The following PKP4 variants were observed in gnomAD, a reference collection of about 807,000 sequenced individuals.
PKP4 encodes the protein plakophilin-4.
Under a neutral mutation model 145.1 loss-of-function variants are expected in PKP4, and 90 were observed. That is an observed-to-expected ratio of 0.62 (90% CI 0.52 to 0.74). The LOEUF (loss-of-function observed/expected upper bound fraction) is 0.74, where lower values mean the gene tolerates loss of function less well. Among genes scored for constraint, PKP4 ranks in the 30% least tolerant of loss-of-function variants. PKP4 has a pLI of 0.00. For missense variants in PKP4, 1,340 were observed against 1,482.7 expected (o/e 0.90, Z 1.58); for synonymous variants, 563 against 577.2 (o/e 0.98, Z 0.35).
chr2:158,463,501 A>G (rs922428104), intron 1 of PKP4, among the ~76,000 whole-genome samples: 2 of 152,080 alleles, frequency 1.3e-5, no homozygotes, highest in Non-Finnish European at 2.9e-5. Context: ...TGGAATATAC[A>G]TGATATAAAT....
At chr2:158,533,146 A>G in intron 1 of PKP4, 34 bp from the exon 2 acceptor site, 1 of 1,570,726 alleles carries the variant, frequency 6.4e-7, no homozygotes, top group South Asian at 1.2e-5. Context: ...GGAGCCCAGA[A>G]GAAAGTGTTA....
chr2:158,542,245 T>C (rs1306015882), intron 2 of PKP4, among the ~76,000 whole-genome samples: 2 of 152,162 alleles, frequency 1.3e-5, no homozygotes, highest in East Asian at 3.9e-4. Context: ...ATAAGTAATA[T>C]TATTTTTCTA....
rs371838555 is a variant in PKP4, at chr2:158,625,251, C to A, written c.977C>A (p.Ala326Asp). The A allele has an allele frequency of 5.6e-6, 9 of 1,614,080 alleles. No individual in the cohort carries two copies. The African/African-American group carries it at 1.1e-4, about 19-fold the overall frequency. ...LTLTDAQTRV[A>D]SPSQGQVGSS... The stretch of plus-strand genomic sequence containing the variant: ...CTGACGGATGCACAGACTCGAGTAG[C>A]TTCCCCATCCCAAGGCCAGGTGGGG... Residue 326 changes from alanine to aspartate, a missense_variant, in exon 7 of 22, where the codon GCT becomes GAT. Coordinates refer to ENST00000389759, the MANE Select transcript of PKP4 (RefSeq NM_003628.6).
chr2:158,589,716 ACTT>A lies in PKP4; in HGVS notation c.245+12334_245+12336del, dbSNP rs753356467. ...TTTTTTGTAATTCCTTCATCTAATC[ACTT>A]TAATATTCATGATGAAATAAAGGAA... On this transcript the variant is annotated intron_variant, in intron 3 of 21. Coordinates refer to ENST00000389759, the MANE Select transcript of PKP4 (RefSeq NM_003628.6). 1.3e-4 allele frequency among the ~76,000 whole-genome samples: 20 copies of A among 152,192 alleles called. 2 individuals are homozygous for A. The highest frequency in any genetic ancestry group is 1.2e-3 in the South Asian group (6 of 4,826).
chr2:158,679,253 A>T (rs1276592317), intron 21 of PKP4: 1 of 154,334 alleles, frequency 6.5e-6, no homozygotes, highest in African/African-American at 2.4e-5. Flanking sequence ...TACCAGTGCC[A>T]TGGCGAACTT....
intron 1 of PKP4, among the ~76,000 whole-genome samples, chr2:158,486,746 C>T (rs1433539411): frequency 6.6e-6 from 1 of 152,236 alleles, no homozygotes; most frequent in Non-Finnish European, 1.5e-5. Flanking sequence ...GTAATGCCAG[C>T]AGCAGGCCAT....
chr2:158,560,636 G>A (rs1394833823), intron 2 of PKP4, among the ~76,000 whole-genome samples: 1 of 151,696 alleles, frequency 6.6e-6, no homozygotes, highest in South Asian at 2.1e-4. Flanking sequence ...CAAATTTTTG[G>A]CAAGTGAACC....
chr2:158,663,402 G>A lies in PKP4; in HGVS notation c.2534G>A (p.Gly845Asp). 6.2e-7 allele frequency: 1 copy of A among 1,614,116 alleles called. No individual in the cohort carries two copies. The highest frequency in any genetic ancestry group is 8.5e-7 in the Non-Finnish European group (1 of 1,179,998). The change falls in exon 15 of 22, where the codon GGC becomes GAC. Residue 845 changes from glycine (G) to aspartate (D), a missense_variant. Coordinates refer to ENST00000389759, the MANE Select transcript of PKP4 (RefSeq NM_003628.6). Reference protein sequence around the residue: ...AESSNPATLEGSAGSLQNLSA... With the variant: ...AESSNPATLEDSAGSLQNLSA... ...AGTTCCAACCCAGCCACCTTGGAAG[G>A]CTCTGCAGGGTCTCTCCAGAACCTC...
intron 2 of PKP4, among the ~76,000 whole-genome samples, chr2:158,544,781 T>C (rs2044833325): frequency 1.3e-5 from 2 of 152,208 alleles, no homozygotes; most frequent in African/African-American, 2.4e-5. Context: ...TGAGTTCATG[T>C]TCCTCATCTG....
At chr2:158,661,186 A>C (rs1024060394) in intron 12 of PKP4, 147 bp from the exon 13 acceptor site, 5 of 579,014 alleles carry the variant, frequency 8.6e-6, no homozygotes, top group Non-Finnish European at 1.6e-5. Context: ...GAGCTTCAGG[A>C]TGTTACCATG....
chr2:158,529,086 C>T (rs531464825), intron 1 of PKP4, among the ~76,000 whole-genome samples: 1 of 152,176 alleles, frequency 6.6e-6, no homozygotes, highest in East Asian at 1.9e-4. Context: ...GATTAAAGAT[C>T]TCTCATCATG....
At position 158,472,738 on chromosome 2, in the gene PKP4, A is replaced by G. The variant is rs558018397; in HGVS notation, c.-6+15520A>G. Among the ~76,000 whole-genome samples, 7 of 152,280 alleles carry G rather than the reference A, an allele frequency of 4.6e-5. No individual in the cohort carries two copies. The East Asian group carries it at 1.3e-3, about 29-fold the overall frequency. On this transcript the variant is annotated intron_variant, in intron 1 of 21. Coordinates refer to ENST00000389759, the MANE Select transcript of PKP4 (RefSeq NM_003628.6). ...AAGATCTGCATACTCATTGCAACCT[A>G]TGCTTTTCCTGTGAAGAAGCCAGTC...
chr2:158,523,605 A>G (rs1022855809), intron 1 of PKP4, among the ~76,000 whole-genome samples: 1 of 123,266 alleles, frequency 8.1e-6, no homozygotes, highest in Non-Finnish European at 1.7e-5. Context: ...GCAGTTCCTC[A>G]CCAGCAACAG....
chr2:158,597,175 T>C (rs955070081), intron 3 of PKP4, among the ~76,000 whole-genome samples: 1 of 152,188 alleles, frequency 6.6e-6, no homozygotes, highest in Non-Finnish European at 1.5e-5. Context: ...CAATAAATGA[T>C]CAACAGATAT....
intron 7 of PKP4, among the ~76,000 whole-genome samples, chr2:158,626,779 C>T (rs745771191): frequency 6.6e-6 from 1 of 152,124 alleles, no homozygotes; most frequent in African/African-American, 2.4e-5. Flanking sequence ...AAGATTTAAT[C>T]TGTTCATCAA....
chr2:158,636,792 G>A (rs948656893), intron 9 of PKP4, among the ~76,000 whole-genome samples: 19 of 151,932 alleles, frequency 1.3e-4, no homozygotes, highest in Non-Finnish European at 1.9e-4. Flanking sequence ...AATCTATTGT[G>A]AAGCCCTTGC....
chr2:158,511,247 G>C (rs778390849), intron 1 of PKP4, among the ~76,000 whole-genome samples: 34 of 152,250 alleles, frequency 2.2e-4, no homozygotes, highest in Non-Finnish European at 4.6e-4. Context: ...TTAGCTGGGC[G>C]TGGTGGCACA....
At chr2:158,640,987 A>G (rs2054231842) in intron 10 of PKP4, among the ~76,000 whole-genome samples, 1 of 152,200 alleles carries the variant, frequency 6.6e-6, no homozygotes, top group Non-Finnish European at 1.5e-5. Context: ...TCGTATGTCT[A>G]CTTCATTAGC....
chr2:158,514,020 A>T (rs969382812), intron 1 of PKP4, among the ~76,000 whole-genome samples: 1 of 152,124 alleles, frequency 6.6e-6, no homozygotes, highest in African/African-American at 2.4e-5. Flanking sequence ...TTACTCTTGC[A>T]TTTATCACAC....
Sources: gnomAD v4.1 joint callset for allele counts (sites outside exome capture counted in the v4.1 genomes callset) on GRCh38, gnomAD v4.1.1 for gene constraint, MANE v1.5 for transcripts, NCBI Gene and HGNC (gene_info 2026-07-23, HGNC 2026-07-21) for gene names.